The following CPNE4 variants were observed in gnomAD, a reference collection of about 807,000 sequenced individuals.
CPNE4 encodes copine-4.
Under a neutral mutation model 67.9 loss-of-function variants are expected in CPNE4, and 25 were observed. The observed-to-expected ratio is 0.37, with a 90% CI of 0.27 to 0.51. The LOEUF (loss-of-function observed/expected upper bound fraction) is 0.51. Ranked by LOEUF, CPNE4 falls within the 20% of genes least tolerant of loss-of-function variation. CPNE4 has a pLI of 0.93. For missense variants in CPNE4, 464 were observed against 690.8 expected (o/e 0.67, Z 3.68); for synonymous variants, 242 against 244.9 (o/e 0.99, Z 0.11).
At chr3:132,008,366 A>G (rs1232119951) in intron 1 of CPNE4, among the ~76,000 whole-genome samples, 2 of 152,220 alleles carry the variant, frequency 1.3e-5, no homozygotes, top group Non-Finnish European at 2.9e-5. Context: ...AATATCATTT[A>G]TCAAGTACCT....
At chr3:131,696,406 T>C (rs1419342151) in intron 5 of CPNE4, 136 bp downstream of exon 5, 1 of 725,914 alleles carries the variant, frequency 1.4e-6, no homozygotes, top group Non-Finnish European at 2.3e-6. Flanking sequence ...AAAGTTTACT[T>C]TGTAGACCTC....
intron 6 of CPNE4, among the ~76,000 whole-genome samples, chr3:131,680,408 A>G (rs917692512): frequency 2.6e-5 from 4 of 152,204 alleles, no homozygotes; most frequent in African/African-American, 9.6e-5. Context: ...CACTGATTAC[A>G]TAAAGAAACA....
chr3:131,726,204 A>C (rs977424812), intron 2 of CPNE4, among the ~76,000 whole-genome samples: 10 of 152,238 alleles, frequency 6.6e-5, no homozygotes, highest in Non-Finnish European at 1.2e-4. Flanking sequence ...CAAAGGGCAC[A>C]AATAAGTGAT....
Position 131,739,453 on chromosome 3 carries a change from C to T in CPNE4, c.181-15828G>A, listed in dbSNP as rs2082311010. On this transcript the variant is annotated intron_variant, in intron 2 of 15. Transcript: ENST00000429747. ...CTGCTTCCCCCTGTGGCTGTGCTTCCTGTTTCTAAGGAACTGTGAGTATAA... is the reference window on the plus strand; with the variant it reads ...CTGCTTCCCCCTGTGGCTGTGCTTCTTGTTTCTAAGGAACTGTGAGTATAA... Among the ~76,000 whole-genome samples, 4 of 152,188 alleles carry T rather than the reference C, an allele frequency of 2.6e-5. No homozygotes were observed. The South Asian group carries it at 8.3e-4, about 32-fold the overall frequency.
chr3:131,653,146 T>TTG (rs2079855947), intron 7 of CPNE4, among the ~76,000 whole-genome samples: 2 of 141,312 alleles, frequency 1.4e-5, no homozygotes, highest in East Asian at 2.0e-4. Flanking sequence ...AGGACTTCTT[T>TTG]TTTTTTTTTT....
At chr3:131,780,371 C>T (rs913418010) in intron 2 of CPNE4, among the ~76,000 whole-genome samples, 1 of 152,064 alleles carries the variant, frequency 6.6e-6, no homozygotes, top group Non-Finnish European at 1.5e-5. Flanking sequence ...CATAAAGACA[C>T]ATGCATGCTT....
At chr3:131,686,028 A>G in intron 5 of CPNE4, 70 bp from the exon 6 acceptor site, 1 of 849,302 alleles carries the variant, frequency 1.2e-6, no homozygotes, top group South Asian at 1.6e-5. Context: ...AATCAGGAAT[A>G]TTTAATCAAC....
At chr3:131,765,090 T>C (rs2082978348) in intron 2 of CPNE4, among the ~76,000 whole-genome samples, 1 of 152,128 alleles carries the variant, frequency 6.6e-6, no homozygotes, top group Non-Finnish European at 1.5e-5. Flanking sequence ...CATGAGGGCC[T>C]GTGAATAGTG....
rs114783551 is a variant in CPNE4 at position 131,638,494 on chromosome 3, C to T, written c.681+31181G>A. Among the ~76,000 whole-genome samples the T allele has an allele frequency of 8.6e-3, 1,303 of 152,210 alleles. 19 individuals carry two copies. Among genetic ancestry groups the T allele is most frequent in the African/African-American group, 0.03 (1,237 of 41,530 alleles). On this transcript the variant is annotated intron_variant, in intron 7 of 15. Transcript: ENST00000429747. The stretch of plus-strand genomic sequence containing the variant: ...ATCACAATCCCAAATATATATGCAC[C>T]TAACACTGGAGCTCCCAAAGTTACA...
chr3:131,685,739 C>T (rs1193140659), intron 6 of CPNE4, 136 bp downstream of exon 6: 8 of 601,146 alleles, frequency 1.3e-5, no homozygotes, highest in Non-Finnish European at 2.4e-5. Flanking sequence ...CGAGACTGCG[C>T]CACTGCACTC....
intron 7 of CPNE4, among the ~76,000 whole-genome samples, chr3:131,638,691 A>G (rs772325308): frequency 2.6e-5 from 4 of 152,194 alleles, no homozygotes; most frequent in South Asian, 2.1e-4. Flanking sequence ...TTTACAGAAC[A>G]CTCTACCCAA....
chr3:132,014,347 C>T (rs927164444), intron 1 of CPNE4, among the ~76,000 whole-genome samples: 1 of 151,972 alleles, frequency 6.6e-6, no homozygotes, highest in African/African-American at 2.4e-5. Flanking sequence ...CCCCACTCCT[C>T]ATCTCTCTCT....
chr3:131,916,731 G>A (rs998388454), intron 1 of CPNE4, among the ~76,000 whole-genome samples: 59 of 152,256 alleles, frequency 3.9e-4, no homozygotes, highest in South Asian at 3.1e-3. Context: ...CTAGTAACAC[G>A]TGTCTATTAA....
intron 2 of CPNE4, among the ~76,000 whole-genome samples, chr3:131,814,771 A>AT (rs2084670018): frequency 7.0e-6 from 1 of 143,874 alleles, no homozygotes; most frequent in South Asian, 2.1e-4. Flanking sequence ...CGCCCGGCTA[A>AT]TTTTTTGTAT....
At chr3:131,886,774 T>C (rs1444036740) in intron 2 of CPNE4, among the ~76,000 whole-genome samples, 1 of 152,212 alleles carries the variant, frequency 6.6e-6, no homozygotes, top group African/African-American at 2.4e-5. Flanking sequence ...GATTTTGGAC[T>C]TACATGAGCC....
chr3:131,780,940 C>G (rs1037556048), intron 2 of CPNE4, among the ~76,000 whole-genome samples: 67 of 152,122 alleles, frequency 4.4e-4, no homozygotes, highest in African/African-American at 1.6e-3. Context: ...TAGAGCACAG[C>G]TTGAGGTCCG....
intron 3 of CPNE4, 46 bp downstream of exon 3, chr3:131,723,400 A>G: frequency 2.0e-6 from 3 of 1,534,180 alleles, no homozygotes; most frequent in African/African-American, 2.7e-5. Flanking sequence ...GCAGGAAGAA[A>G]GGCCCTAGGA....
chr3:131,872,531 C>T (rs2087261593), intron 2 of CPNE4, among the ~76,000 whole-genome samples: 2 of 152,178 alleles, frequency 1.3e-5, no homozygotes. Context: ...GGTCCACCCA[C>T]TTTAGGAAGG....
intron 7 of CPNE4, among the ~76,000 whole-genome samples, chr3:131,665,890 C>G (rs1261172342): frequency 6.6e-6 from 1 of 152,006 alleles, no homozygotes; most frequent in Non-Finnish European, 1.5e-5. Flanking sequence ...AATGAAAAGA[C>G]ATGCCATATT....
Sources: gnomAD v4.1 joint callset for allele counts (sites outside exome capture counted in the v4.1 genomes callset) on GRCh38, gnomAD v4.1.1 for gene constraint, MANE v1.5 for transcripts, NCBI Gene and HGNC (gene_info 2026-07-23, HGNC 2026-07-21) for gene names.